FRMD4B: variants seen among roughly 807,000 people sequenced by gnomAD.
The protein encoded by FRMD4B is FERM domain-containing protein 4B.
In FRMD4B, 74 loss-of-function variants were observed where a neutral mutation model predicts 141.5. That is an observed-to-expected ratio of 0.52 (90% CI 0.43 to 0.63). FRMD4B has a LOEUF of 0.63. Ranked by LOEUF, FRMD4B falls within the 30% of genes least tolerant of loss-of-function variation. FRMD4B has a pLI of 0.00. For missense variants in FRMD4B, 1,366 were observed against 1,253.4 expected, an observed-to-expected ratio of 1.09 and a Z score of -1.36; for synonymous variants, 506 against 467.9, an observed-to-expected ratio of 1.08 and a Z score of -1.05.
intron 5 of FRMD4B, among the ~76,000 whole-genome samples, chr3:69,264,086 G>A (rs1445637940): frequency 6.6e-6 from 1 of 152,038 alleles, no homozygotes; most frequent in Non-Finnish European, 1.5e-5. Context: ...GCCTCTCAAA[G>A]TGTCAACCCC....
intron 1 of FRMD4B, among the ~76,000 whole-genome samples, chr3:69,479,401 G>C (rs1219688041): frequency 6.6e-6 from 1 of 152,050 alleles, no homozygotes; most frequent in African/African-American, 2.4e-5. Context: ...GGGCAGGCCT[G>C]GTGGTGACAA....
chr3:69,538,023 C>T (rs976272637), intron 1 of FRMD4B, among the ~76,000 whole-genome samples: 1 of 152,234 alleles, frequency 6.6e-6, no homozygotes, highest in Non-Finnish European at 1.5e-5. Flanking sequence ...GCCGTGCCAA[C>T]TGGGCAAATC....
chr3:69,224,497 T>C, intron 8 of FRMD4B, 110 bp downstream of exon 8: 2 of 700,914 alleles, frequency 2.9e-6, no homozygotes, highest in African/African-American at 1.8e-5. Context: ...ATACAATTGA[T>C]TGGCAATGTG....
intron 3 of FRMD4B, among the ~76,000 whole-genome samples, chr3:69,302,989 G>T (rs144432329): frequency 6.6e-6 from 1 of 152,118 alleles, no homozygotes; most frequent in South Asian, 2.1e-4. Flanking sequence ...CAGGAGAATC[G>T]CTTGAACCCG....
intron 1 of FRMD4B, among the ~76,000 whole-genome samples, chr3:69,486,925 A>C (rs1706224597): frequency 6.6e-6 from 1 of 152,204 alleles, no homozygotes; most frequent in Non-Finnish European, 1.5e-5. Flanking sequence ...GATAAATAAA[A>C]GACAAAACAT....
At chr3:69,218,113 G>A (rs559409330) in intron 10 of FRMD4B, among the ~76,000 whole-genome samples, 1 of 152,298 alleles carries the variant, frequency 6.6e-6, no homozygotes, top group East Asian at 1.9e-4. Flanking sequence ...AAGCAGAGGT[G>A]TTTCGAAAGA....
intron 1 of FRMD4B, among the ~76,000 whole-genome samples, chr3:69,493,391 C>G (rs1415627838): frequency 6.6e-6 from 1 of 152,110 alleles, no homozygotes; most frequent in Non-Finnish European, 1.5e-5. Context: ...GGGCTTACGG[C>G]AAACTGGAAA....
chr3:69,527,939 A>T (rs1040643052), intron 1 of FRMD4B, among the ~76,000 whole-genome samples: 3 of 152,234 alleles, frequency 2.0e-5, no homozygotes, highest in African/African-American at 7.2e-5. Context: ...ATCCATGGGG[A>T]TCTCCTATTA....
At position 69,405,619 on chromosome 3, in the gene FRMD4B, A is replaced by G. The variant is rs79861465; in HGVS notation, c.-1+27015T>C. The stretch of plus-strand genomic sequence containing the variant: ...GCAGCAGAAGCAGCCGATGTTCTCT[A>G]CAAGGGCTCTTACCTTTGAGGCAAA... On this transcript the variant is annotated intron_variant, in intron 2 of 5. Transcript: ENST00000459638. Among the ~76,000 whole-genome samples the G allele has an allele frequency of 4.7e-3, 713 of 152,358 alleles. 4 individuals are homozygous for G. The highest frequency in any genetic ancestry group is 0.016 in the African/African-American group (663 of 41,584).
intron 1 of FRMD4B, among the ~76,000 whole-genome samples, chr3:69,328,596 A>T (rs191950637): frequency 1.1e-4 from 16 of 152,278 alleles, no homozygotes; most frequent in African/African-American, 3.9e-4. Context: ...GGTCATAAAG[A>T]CTCAGCTGAT....
intron 19 of FRMD4B, among the ~76,000 whole-genome samples, chr3:69,183,048 G>C (rs758177729): frequency 2.6e-5 from 4 of 152,174 alleles, no homozygotes; most frequent in South Asian, 2.1e-4. Flanking sequence ...TCAAATCTTT[G>C]TGGTGAACAG....
chr3:69,177,561 G>T (rs1351684474), intron 21 of FRMD4B, among the ~76,000 whole-genome samples: 1 of 151,818 alleles, frequency 6.6e-6, no homozygotes, highest in Non-Finnish European at 1.5e-5. Context: ...GAGGTGGGAG[G>T]ATCACTCAAG....
intron 11 of FRMD4B, among the ~76,000 whole-genome samples, chr3:69,205,612 G>T (rs1311068328): frequency 6.6e-6 from 1 of 152,136 alleles, no homozygotes; most frequent in Non-Finnish European, 1.5e-5. Flanking sequence ...GATGCTTGGA[G>T]ACATTTTTGG....
chr3:69,510,701 T>C (rs145935190), intron 1 of FRMD4B, among the ~76,000 whole-genome samples: 1 of 152,292 alleles, frequency 6.6e-6, no homozygotes, highest in African/African-American at 2.4e-5. Context: ...CACTTACTAA[T>C]ACTACTTGCA....
intron 7 of FRMD4B, among the ~76,000 whole-genome samples, chr3:69,227,127 AT>A (rs1189241718): frequency 5.9e-5 from 9 of 152,192 alleles, no homozygotes; most frequent in African/African-American, 2.2e-4. Flanking sequence ...TTCAAGAGTA[AT>A]TTGAACTATA....
chr3:69,502,726 C>A (rs1706520387), intron 1 of FRMD4B, among the ~76,000 whole-genome samples: 1 of 150,922 alleles, frequency 6.6e-6, no homozygotes, highest in East Asian at 1.9e-4. Flanking sequence ...AAAAAAAAAA[C>A]TACCATCGGA....
chr3:69,370,029 A>G (rs893560537), intron 1 of FRMD4B, among the ~76,000 whole-genome samples: 2 of 152,134 alleles, frequency 1.3e-5, no homozygotes, highest in African/African-American at 4.8e-5. Flanking sequence ...AAGCTTGAAC[A>G]CAGCCAAAGA....
At chr3:69,358,146 T>C (rs1300251127) in intron 1 of FRMD4B, among the ~76,000 whole-genome samples, 1 of 152,228 alleles carries the variant, frequency 6.6e-6, no homozygotes, top group Non-Finnish European at 1.5e-5. Context: ...TTTATCAATC[T>C]GTATGTCAGA....
chr3:69,481,569 GTC>G lies in FRMD4B; in HGVS notation c.-128-48810_-128-48809del, dbSNP rs560307905. Among the ~76,000 whole-genome samples, 383 of 152,290 alleles carry G rather than the reference GTC, an allele frequency of 2.5e-3. 1 individual carries two copies. The highest frequency in any genetic ancestry group is 4.6e-3 in the Non-Finnish European group (311 of 68,024). On this transcript the variant is annotated intron_variant, in intron 1 of 5. Coordinates refer to the FRMD4B transcript ENST00000459638. Reference sequence around the variant, plus strand: ...AGTAAGAATGGCAGGGAGGAAGCAGGTCTTGGAAAGGAGGTACTCAGGGGCTC... The same window carrying G: ...AGTAAGAATGGCAGGGAGGAAGCAGGTTGGAAAGGAGGTACTCAGGGGCTC...
Sources: allele counts gnomAD v4.1 joint callset (sites outside exome capture counted in the v4.1 genomes callset), GRCh38; gene constraint gnomAD v4.1.1; transcripts MANE v1.5; gene names NCBI Gene and HGNC (gene_info 2026-07-23, HGNC 2026-07-21).